MGAT4C: variants seen among roughly 807,000 people sequenced by gnomAD.
MGAT4C encodes MGAT4 family member C.
A neutral mutation model predicts 40.1 loss-of-function variants in MGAT4C; 19 were observed. That is an observed-to-expected ratio of 0.47 (90% CI 0.33 to 0.70). MGAT4C has a LOEUF of 0.70. Among genes scored for constraint, MGAT4C ranks in the 30% least tolerant of loss-of-function variants. The pLI is 0.02. For synonymous variants in MGAT4C, 181 were observed against 187.1 expected, an observed-to-expected ratio of 0.97 and a Z score of 0.27; for missense variants, 491 against 563.2, an observed-to-expected ratio of 0.87 and a Z score of 1.30.
intron 1 of MGAT4C, among the ~76,000 whole-genome samples, chr12:86,211,522 G>C (rs932037715): frequency 1.3e-5 from 2 of 151,222 alleles, no homozygotes; most frequent in African/African-American, 4.9e-5. Flanking sequence ...GAGAGGCGGA[G>C]CTTGCAGTGA....
At chr12:86,623,831 T>C (rs999820790) in intron 2 of MGAT4C, among the ~76,000 whole-genome samples, 1 of 152,154 alleles carries the variant, frequency 6.6e-6, no homozygotes, top group Non-Finnish European at 1.5e-5. Flanking sequence ...TTTGTGGTGT[T>C]TTAATTTAGC....
chr12:86,724,592 T>C (rs1372914341), intron 2 of MGAT4C, among the ~76,000 whole-genome samples: 1 of 152,222 alleles, frequency 6.6e-6, no homozygotes, highest in Non-Finnish European at 1.5e-5. Flanking sequence ...ACATAATAGA[T>C]GCAGTAGCTG....
At chr12:86,345,953 G>T (rs1266092003) in intron 3 of MGAT4C, among the ~76,000 whole-genome samples, 1 of 152,150 alleles carries the variant, frequency 6.6e-6, no homozygotes, top group East Asian at 1.9e-4. Context: ...ATTCTAACTG[G>T]TGTGAGATGG....
At chr12:86,814,684 C>T (rs527795124) in intron 1 of MGAT4C, among the ~76,000 whole-genome samples, 200 of 151,844 alleles carry the variant, frequency 1.3e-3, no homozygotes, top group African/African-American at 4.5e-3. Context: ...GGTGATATTC[C>T]AAGGTCGAGC....
At chr12:86,040,629 C>T (rs1250269844) in intron 2 of MGAT4C, among the ~76,000 whole-genome samples, 1 of 151,436 alleles carries the variant, frequency 6.6e-6, no homozygotes, top group Admixed American at 6.6e-5. Context: ...CCAAGCCAGA[C>T]CACTTGGCTC....
intron 1 of MGAT4C, among the ~76,000 whole-genome samples, chr12:86,053,466 C>T (rs1260340555): frequency 6.6e-6 from 1 of 151,690 alleles, no homozygotes; most frequent in Non-Finnish European, 1.5e-5. Context: ...GTTCTAAGAC[C>T]CCCTTTCCAA....
chr12:86,149,069 C>A (rs1883934482), intron 1 of MGAT4C, among the ~76,000 whole-genome samples: 1 of 152,016 alleles, frequency 6.6e-6, no homozygotes, highest in African/African-American at 2.4e-5. Context: ...TGTAAAATTT[C>A]TTATAGGTTA....
At chr12:86,050,362 A>C (rs1892782368) in intron 1 of MGAT4C, among the ~76,000 whole-genome samples, 1 of 152,022 alleles carries the variant, frequency 6.6e-6, no homozygotes, top group African/African-American at 2.4e-5. Flanking sequence ...AAGCGAATAA[A>C]ATTCTCTAAA....
At chr12:86,319,985 C>T (rs1011215114) in intron 4 of MGAT4C, among the ~76,000 whole-genome samples, 1 of 151,996 alleles carries the variant, frequency 6.6e-6, no homozygotes, top group Non-Finnish European at 1.5e-5. Flanking sequence ...TTACAGAGAA[C>T]CAGTTCCGTG....
chr12:86,524,490 C>T (rs542405996), intron 2 of MGAT4C, among the ~76,000 whole-genome samples: 4 of 152,076 alleles, frequency 2.6e-5, no homozygotes, highest in South Asian at 2.1e-4. Flanking sequence ...TATCTAGCTG[C>T]CTTGAACACT....
chr12:86,219,867 C>T (rs781531115), intron 1 of MGAT4C, among the ~76,000 whole-genome samples: 1 of 152,160 alleles, frequency 6.6e-6, no homozygotes, highest in Admixed American at 6.5e-5. Flanking sequence ...CTCTTATGAA[C>T]TCTGACATGG....
intron 2 of MGAT4C, among the ~76,000 whole-genome samples, chr12:86,614,747 T>C (rs889650465): frequency 2.0e-5 from 3 of 151,964 alleles, no homozygotes; most frequent in Non-Finnish European, 4.4e-5. Flanking sequence ...ATAGTATTGA[T>C]GCAGTCCATA....
At chr12:86,149,563 G>A (rs193132028) in intron 1 of MGAT4C, among the ~76,000 whole-genome samples, 4 of 152,174 alleles carry the variant, frequency 2.6e-5, no homozygotes, top group Non-Finnish European at 5.9e-5. Context: ...TTTATACAGC[G>A]CCTAGTAACA....
chr12:86,295,375 GGTGA>G (rs1375452146), intron 4 of MGAT4C, among the ~76,000 whole-genome samples: 3 of 152,124 alleles, frequency 2.0e-5, no homozygotes, highest in Admixed American at 1.3e-4. Context: ...AGACCCTCGC[GGTGA>G]GTGTTACAGC....
At chr12:86,114,577 A>G (rs1878053115) in intron 1 of MGAT4C, among the ~76,000 whole-genome samples, 1 of 151,924 alleles carries the variant, frequency 6.6e-6, no homozygotes, top group Admixed American at 6.6e-5. Context: ...AATTTTTTAG[A>G]CAGTATGTTA....
chr12:86,310,617 G>T (rs1387327884), intron 4 of MGAT4C, among the ~76,000 whole-genome samples: 1 of 152,086 alleles, frequency 6.6e-6, no homozygotes, highest in African/African-American at 2.4e-5. Context: ...CAGACTGCAT[G>T]CTTACTATTA....
At chr12:86,001,703 T>C in intron 2 of MGAT4C, 1 of 874,360 alleles carries the variant, frequency 1.1e-6, no homozygotes, top group South Asian at 5.3e-5. Context: ...AGGTACTGGC[T>C]GAATTGTAAA....
At chr12:86,574,347 T>G (rs988848529) in intron 2 of MGAT4C, among the ~76,000 whole-genome samples, 17 of 151,802 alleles carry the variant, frequency 1.1e-4, no homozygotes, top group Non-Finnish European at 1.8e-4. Context: ...ATATTTATAT[T>G]TGCAGTGTCA....
At chr12:86,153,910 A>C (rs1884604248) in intron 1 of MGAT4C, among the ~76,000 whole-genome samples, 1 of 152,126 alleles carries the variant, frequency 6.6e-6, no homozygotes, top group Non-Finnish European at 1.5e-5. Flanking sequence ...CTCCATTCTT[A>C]TTGTGAGCAT....
Sources: allele counts gnomAD v4.1 joint callset (sites outside exome capture counted in the v4.1 genomes callset), GRCh38; gene constraint gnomAD v4.1.1; transcripts MANE v1.5; gene names NCBI Gene and HGNC (gene_info 2026-07-23, HGNC 2026-07-21).